The following LARP4B variants were observed in gnomAD, a reference collection of about 807,000 sequenced individuals.
The protein encoded by LARP4B is La ribonucleoprotein 4B, also known as la-related protein 4B.
LARP4B carries 12 observed loss-of-function variants against 89.8 expected under a neutral mutation model. That is an observed-to-expected ratio of 0.13 (90% confidence interval 0.09 to 0.22). LARP4B has a LOEUF of 0.22. Ranked by LOEUF, LARP4B falls within the 10% of genes least tolerant of loss-of-function variation. The probability of loss-of-function intolerance (pLI) is 1.00; values close to 1 mark genes in which losing one functional copy is unlikely to be tolerated. For missense variants in LARP4B, 757 were observed against 947.7 expected (o/e 0.80, Z 2.64); for synonymous variants, 367 against 363.3 (o/e 1.01, Z -0.12).
At chr10:912,645 G>A (rs1836699369) in intron 1 of LARP4B, among the ~76,000 whole-genome samples, 1 of 148,864 alleles carries the variant, frequency 6.7e-6, no homozygotes, top group African/African-American at 2.5e-5. Flanking sequence ...GCTGAGGCGG[G>A]CAGATCCCTT....
intron 11 of LARP4B, 80 bp downstream of exon 11, chr10:829,305 C>T: frequency 8.2e-7 from 1 of 1,215,466 alleles, no homozygotes; most frequent in Non-Finnish European, 1.1e-6. Flanking sequence ...ATCTGGCTTC[C>T]TATTAGATGA....
Position 817,821 on chromosome 10 carries a change from G to A in LARP4B, c.1599C>T (p.Ser533=). Residue 533 remains serine (S), a synonymous_variant, in exon 15 of 18, where the codon AGC becomes AGT. Transcript: ENST00000316157. ...CGGCAGCTCCAGGTAATGGAGGGAAGCTGGACAGCCCCAGCTCGAAGCTTG... is the reference window on the plus strand; with the variant it reads ...CGGCAGCTCCAGGTAATGGAGGGAAACTGGACAGCCCCAGCTCGAAGCTTG... The part of the protein sequence containing the change: ...PSPSFELGLS[S]FPPLPGAAGN... 3 of 1,614,180 alleles carry A rather than the reference G, an allele frequency of 1.9e-6. No homozygotes were observed. Among genetic ancestry groups the A allele is most frequent in the Non-Finnish European group, 1.7e-6 (2 of 1,180,034 alleles).
At chr10:831,316 A>G (rs1393956198) in intron 8 of LARP4B, among the ~76,000 whole-genome samples, 1 of 151,924 alleles carries the variant, frequency 6.6e-6, no homozygotes, top group Admixed American at 6.6e-5. Flanking sequence ...TTTAAGAAAA[A>G]AAATTTGCTT....
At chr10:966,791 A>G in the LARP4B span, among the ~76,000 whole-genome samples, 3 of 151,650 alleles carry the variant, frequency 2.0e-5, no homozygotes, top group African/African-American at 4.9e-5. Context: ...AGAGAGAGGT[A>G]GGTTTCTCCT....
chr10:974,683 A>G, the LARP4B span, among the ~76,000 whole-genome samples: 20 of 152,234 alleles, frequency 1.3e-4, no homozygotes, highest in Non-Finnish European at 5.9e-5. Flanking sequence ...TCCCTCGCCC[A>G]TTAGGCCAGA....
chr10:821,796 G>C (rs1460447390), intron 13 of LARP4B, among the ~76,000 whole-genome samples: 3 of 152,214 alleles, frequency 2.0e-5, no homozygotes, highest in Non-Finnish European at 4.4e-5. Flanking sequence ...CAAACCTTTA[G>C]GATTCTGGAG....
At chr10:898,062 G>T (rs1305285239) in intron 1 of LARP4B, among the ~76,000 whole-genome samples, 2 of 149,942 alleles carry the variant, frequency 1.3e-5, no homozygotes. Context: ...TATACAAATG[G>T]CCACCAAGCA....
chr10:958,994 T>C, the LARP4B span, among the ~76,000 whole-genome samples: 1 of 151,382 alleles, frequency 6.6e-6, no homozygotes, highest in Non-Finnish European at 1.5e-5. Context: ...TTTGGAAGAG[T>C]GGAGTCTCTG....
chr10:848,092 G>C (rs892787336), intron 5 of LARP4B, among the ~76,000 whole-genome samples: 1 of 152,210 alleles, frequency 6.6e-6, no homozygotes, highest in Non-Finnish European at 1.5e-5. Flanking sequence ...CCCAAGGCTC[G>C]TGGAAGAACC....
At chr10:911,786 C>T (rs889880259) in intron 1 of LARP4B, among the ~76,000 whole-genome samples, 13 of 152,138 alleles carry the variant, frequency 8.5e-5, no homozygotes, top group African/African-American at 2.2e-4. Context: ...TGTCCAATTT[C>T]GTGGTTTTCG....
chr10:931,907 T>C (rs1339499664), upstream of LARP4B, among the ~76,000 whole-genome samples: 1 of 150,038 alleles, frequency 6.7e-6, no homozygotes, highest in Non-Finnish European at 1.5e-5. Context: ...GCGTACACCC[T>C]GCTCGCGGCC....
intron 7 of LARP4B, among the ~76,000 whole-genome samples, chr10:840,140 C>T (rs1035604585): frequency 2.6e-5 from 4 of 151,932 alleles, no homozygotes; most frequent in Non-Finnish European, 4.4e-5. Context: ...CGGGGGTGGG[C>T]TGTGATGGCT....
rs976360206 is a variant in LARP4B, at chr10:884,293, A to G, written c.141+154T>C. On this transcript the variant is annotated intron_variant, in intron 3 of 17. Coordinates refer to ENST00000316157, the MANE Select transcript of LARP4B (RefSeq NM_015155.3). ...TACAGTATTGACAGTTACCATACCC[A>G]GGGGTTGTGGTGATGAATGGATCCC... is the stretch of plus-strand genomic sequence containing the variant. 1.6e-4 allele frequency among the ~76,000 whole-genome samples: 24 copies of G among 152,362 alleles called. 1 individual carries two copies. The highest frequency in any genetic ancestry group is 5.8e-4 in the African/African-American group (24 of 41,590).
At chr10:977,878 C>A in the LARP4B span, among the ~76,000 whole-genome samples, 14 of 152,064 alleles carry the variant, frequency 9.2e-5, no homozygotes, top group Non-Finnish European at 1.9e-4. Flanking sequence ...ATACAAAGAC[C>A]CTGATGAAAG....
chr10:830,840 C>A, intron 9 of LARP4B, 27 bp downstream of exon 9: 1 of 977,344 alleles, frequency 1.0e-6, no homozygotes, highest in Non-Finnish European at 1.6e-6. Flanking sequence ...CTATGCAATT[C>A]ATAGGGTGAT....
intron 3 of LARP4B, among the ~76,000 whole-genome samples, chr10:875,529 T>C (rs1201360113): frequency 6.6e-6 from 1 of 152,254 alleles, no homozygotes; most frequent in Non-Finnish European, 1.5e-5. Flanking sequence ...TTGAAGTCCT[T>C]TGTGAAACCA....
chr10:867,793 G>A (rs1834984838), intron 3 of LARP4B, among the ~76,000 whole-genome samples: 1 of 150,420 alleles, frequency 6.6e-6, no homozygotes, highest in Non-Finnish European at 1.5e-5. Context: ...CTCAGGAGGC[G>A]GAGGTTGCAG....
At chr10:958,560 G>A in the LARP4B span, among the ~76,000 whole-genome samples, 4 of 152,162 alleles carry the variant, frequency 2.6e-5, no homozygotes, top group African/African-American at 9.7e-5. Context: ...GGGAAGGCAG[G>A]GGCCTCTGCA....
chr10:972,246 T>C, the LARP4B span: 5 of 336,674 alleles, frequency 1.5e-5, no homozygotes, highest in African/African-American at 8.6e-5. Context: ...CAGACTTGTC[T>C]TGAACTCCTG....
Sources: gnomAD v4.1 joint callset for allele counts (sites outside exome capture counted in the v4.1 genomes callset) on GRCh38, gnomAD v4.1.1 for gene constraint, MANE v1.5 for transcripts, NCBI Gene and HGNC (gene_info 2026-07-23, HGNC 2026-07-21) for gene names.